ZNF804A: variants seen among roughly 807,000 people sequenced by gnomAD.
ZNF804A encodes the protein zinc finger protein 804A.
ZNF804A carries 2 observed loss-of-function variants against 16.5 expected under a neutral mutation model. The observed-to-expected ratio is 0.12, with a 90% confidence interval of 0.05 to 0.38. The LOEUF (loss-of-function observed/expected upper bound fraction) is 0.38. Ranked by LOEUF, ZNF804A falls within the 10% of genes least tolerant of loss-of-function variation. ZNF804A has a pLI of 0.99. For synonymous variants in ZNF804A, 534 were observed against 489.6 expected, an observed-to-expected ratio of 1.09 and a Z score of -1.20; for missense variants, 1,473 against 1,390.7, an observed-to-expected ratio of 1.06 and a Z score of -0.94.
At chr2:184,700,414 A>T (rs1268229816) in intron 1 of ZNF804A, among the ~76,000 whole-genome samples, 1 of 152,112 alleles carries the variant, frequency 6.6e-6, no homozygotes, top group African/African-American at 2.4e-5. Flanking sequence ...GTATTACAGG[A>T]ATCTAGGCAG....
chr2:184,892,153 C>A (rs1684995518), intron 2 of ZNF804A, among the ~76,000 whole-genome samples: 1 of 152,066 alleles, frequency 6.6e-6, no homozygotes, highest in Non-Finnish European at 1.5e-5. Flanking sequence ...GCAACATTTC[C>A]ACACTAATTT....
intron 1 of ZNF804A, among the ~76,000 whole-genome samples, chr2:184,863,557 A>G (rs1250435635): frequency 6.6e-6 from 1 of 151,820 alleles, no homozygotes; most frequent in Non-Finnish European, 1.5e-5. Flanking sequence ...AACTTATTAA[A>G]AAAAAAAAAC....
intron 1 of ZNF804A, among the ~76,000 whole-genome samples, chr2:184,643,769 A>G (rs57159364): frequency 0.26 from 39,818 of 150,930 alleles, 6,233 homozygotes; most frequent in East Asian, 0.48. Context: ...TATACATATC[A>G]ATATATAAAA....
chr2:184,819,487 A>C (rs1695036728), intron 1 of ZNF804A, among the ~76,000 whole-genome samples: 1 of 151,772 alleles, frequency 6.6e-6, no homozygotes, highest in Non-Finnish European at 1.5e-5. Context: ...CAAATTAGCA[A>C]CCTAACATCA....
Position 184,903,481 on chromosome 2 carries a change from T to C in ZNF804A, c.256-30122T>C, listed in dbSNP as rs991679617. 2.6e-5 allele frequency among the ~76,000 whole-genome samples: 4 copies of C among 152,218 alleles called. No individual in the cohort carries two copies. In the East Asian group the frequency reaches 7.7e-4, roughly 29 times the overall value. ...GGCTATACCATAGAGCCTAGGTGTG[T>C]AGTAGGTTATACCACCTAGGTTTGT... On this transcript the variant is annotated intron_variant, in intron 2 of 3. Transcript: ENST00000302277.
chr2:184,847,957 C>T (rs1018085991), intron 1 of ZNF804A, among the ~76,000 whole-genome samples: 3 of 152,030 alleles, frequency 2.0e-5, no homozygotes, highest in South Asian at 2.1e-4. Flanking sequence ...CTTCCTTGCC[C>T]TCTGTAGGTG....
chr2:184,647,634 GAT>G (rs1485874318), intron 1 of ZNF804A, among the ~76,000 whole-genome samples: 1 of 152,120 alleles, frequency 6.6e-6, no homozygotes, highest in Admixed American at 6.5e-5. Flanking sequence ...TCAGGCAGAA[GAT>G]AGAATGTCAA....
At chr2:184,680,863 G>C (rs537233073) in intron 1 of ZNF804A, among the ~76,000 whole-genome samples, 1 of 152,360 alleles carries the variant, frequency 6.6e-6, no homozygotes, top group East Asian at 1.9e-4. Flanking sequence ...CCCAAGCCAG[G>C]GCTGTGACAA....
Position 184,744,919 on chromosome 2 carries a change from A to G in ZNF804A, c.112-121450A>G, listed in dbSNP as rs552112328. On this transcript the variant is annotated intron_variant, in intron 1 of 3. Transcript: ENST00000302277. The stretch of plus-strand genomic sequence containing the variant: ...TGACCTCAAGTCCTAATCATGTGGG[A>G]TGAAAAAAAGTATTTCAGACAATAG... 1.3e-4 allele frequency among the ~76,000 whole-genome samples: 19 copies of G among 151,936 alleles called. No homozygotes were observed. The East Asian group carries it at 2.9e-3, about 23-fold the overall frequency.
At chr2:184,891,765 A>G (rs1488999960) in intron 2 of ZNF804A, among the ~76,000 whole-genome samples, 1 of 152,188 alleles carries the variant, frequency 6.6e-6, no homozygotes, top group East Asian at 1.9e-4. Context: ...ATCGACAAAG[A>G]ATTAACTTTA....
intron 1 of ZNF804A, among the ~76,000 whole-genome samples, chr2:184,857,688 C>T (rs1436640654): frequency 9.2e-5 from 14 of 152,242 alleles, no homozygotes; most frequent in Non-Finnish European, 4.4e-5. Context: ...GTTATAGCCT[C>T]TACTAAGTTG....
chr2:184,891,959 T>C (rs1353589604), intron 2 of ZNF804A, among the ~76,000 whole-genome samples: 2 of 152,118 alleles, frequency 1.3e-5, no homozygotes, highest in Non-Finnish European at 2.9e-5. Flanking sequence ...AAACTGCTTG[T>C]ATTAGAAAAA....
intron 1 of ZNF804A, among the ~76,000 whole-genome samples, chr2:184,650,384 C>T (rs1043900948): frequency 6.6e-6 from 1 of 152,098 alleles, no homozygotes; most frequent in African/African-American, 2.4e-5. Flanking sequence ...GAAGCATTCT[C>T]CTGGAGATCT....
intron 1 of ZNF804A, among the ~76,000 whole-genome samples, chr2:184,736,007 C>A (rs1241368168): frequency 6.6e-6 from 1 of 152,050 alleles, no homozygotes; most frequent in African/African-American, 2.4e-5. Flanking sequence ...TATAAGTATC[C>A]TGAAAGATAG....
intron 2 of ZNF804A, among the ~76,000 whole-genome samples, chr2:184,876,873 T>C (rs2105815832): frequency 6.6e-6 from 1 of 152,196 alleles, no homozygotes; most frequent in African/African-American, 2.4e-5. Flanking sequence ...CTAAATATAA[T>C]TATTCCCCAC....
chr2:184,663,719 A>T (rs1178041299), intron 1 of ZNF804A, among the ~76,000 whole-genome samples: 1 of 152,120 alleles, frequency 6.6e-6, no homozygotes, highest in Non-Finnish European at 1.5e-5. Flanking sequence ...ACCAATCTGC[A>T]CACATTTCCT....
chr2:184,837,181 C>G (rs576531429), intron 1 of ZNF804A, among the ~76,000 whole-genome samples: 39 of 152,122 alleles, frequency 2.6e-4, no homozygotes, highest in African/African-American at 8.9e-4. Context: ...ATATGAGTAT[C>G]TTACTAGGTC....
At chr2:184,832,811 G>C (rs7578837) in intron 1 of ZNF804A, among the ~76,000 whole-genome samples, 10,273 of 151,784 alleles carry the variant, frequency 0.068, 1,179 homozygotes, top group African/African-American at 0.23. Flanking sequence ...AAAGTTCATT[G>C]TGTTTTATAC....
chr2:184,656,334 G>A (rs1300648249), intron 1 of ZNF804A, among the ~76,000 whole-genome samples: 3 of 152,044 alleles, frequency 2.0e-5, no homozygotes, highest in Non-Finnish European at 4.4e-5. Flanking sequence ...AAATTTATAG[G>A]AGTGTTATTA....
Sources: allele counts gnomAD v4.1 joint callset (sites outside exome capture counted in the v4.1 genomes callset), GRCh38; gene constraint gnomAD v4.1.1; transcripts MANE v1.5; gene names NCBI Gene and HGNC (gene_info 2026-07-23, HGNC 2026-07-21).